Variants in NUDT3 observed in about 807,000 individuals in gnomAD.
NUDT3 encodes nudix hydrolase 3.
NUDT3 carries 9 observed loss-of-function variants against 23.6 expected under a neutral mutation model. The ratio of observed to expected loss-of-function variants is 0.38; its 90% CI spans 0.23 to 0.66. The LOEUF is 0.66. Ranked by LOEUF, NUDT3 falls within the 30% of genes least tolerant of loss-of-function variation. NUDT3 has a pLI of 0.52. For synonymous variants in NUDT3, 86 were observed against 82.6 expected (o/e 1.04, Z -0.22); for missense variants, 172 against 218.5 (o/e 0.79, Z 1.34).
chr6:34,338,100 T>C (rs576742573), intron 2 of NUDT3, among the ~76,000 whole-genome samples: 1 of 152,356 alleles, frequency 6.6e-6, no homozygotes, highest in South Asian at 2.1e-4. Context: ...TACACAATCA[T>C]ACCTGCCCTT....
chr6:34,375,381 A>G (rs895652879), intron 1 of NUDT3, among the ~76,000 whole-genome samples: 1 of 152,188 alleles, frequency 6.6e-6, no homozygotes, highest in East Asian at 1.9e-4. Flanking sequence ...AAAAGTTACC[A>G]GAGTTCTAAA....
chr6:34,295,830 G>T, intron 2 of NUDT3, 145 bp from the exon 3 acceptor site: 1 of 880,190 alleles, frequency 1.1e-6, no homozygotes, highest in Non-Finnish European at 1.7e-6. Context: ...AGTGATACCA[G>T]TGTTTCCTGT....
chr6:34,321,812 C>T (rs901414517), intron 2 of NUDT3, among the ~76,000 whole-genome samples: 1 of 152,170 alleles, frequency 6.6e-6, no homozygotes, highest in Non-Finnish European at 1.5e-5. Context: ...TATCCTAAAT[C>T]TAATCAAGCC....
chr6:34,292,034 T>G (rs1227419023), intron 4 of NUDT3, among the ~76,000 whole-genome samples: 3 of 152,144 alleles, frequency 2.0e-5, no homozygotes, highest in Non-Finnish European at 4.4e-5. Context: ...AAAGGCTTGT[T>G]TGAATATTAA....
In NUDT3 at chr6:34,286,766, A is replaced by G. The variant is rs1273055706; in HGVS notation, c.*1987T>C. 1 of 144,300 alleles carries G rather than the reference A, an allele frequency of 6.9e-6. No individual in the cohort carries two copies. The highest frequency in any genetic ancestry group is 2.0e-4 in the East Asian group (1 of 5,044). 8.9% of individuals were successfully genotyped at this position (144,300 alleles called of 1,614,324 possible). A position where few individuals can be genotyped will look rare whatever the true frequency, so the allele number is the denominator to read the frequency against. ...GGGGGAGAGGATGTAAACTAAGAGTATATAGCAAAAAAAAAAAAAAAAATT... is the reference window on the plus strand; with the variant it reads ...GGGGGAGAGGATGTAAACTAAGAGTGTATAGCAAAAAAAAAAAAAAAAATT... On this transcript the variant is annotated 3_prime_UTR_variant, in exon 5 of 5. Coordinates refer to ENST00000607016, the MANE Select transcript of NUDT3 (RefSeq NM_006703.4).
Position 34,288,650 on chromosome 6 carries a change from T to C in NUDT3, c.*103A>G. ...TCTTTGCTGCCCACCATGCCTTATT[T>C]GAAAGAGGAGGCCTGTGAGAAGTGG... is the stretch of plus-strand genomic sequence containing the variant. On this transcript the variant is annotated 3_prime_UTR_variant, in exon 5 of 5. Coordinates refer to ENST00000607016, the MANE Select transcript of NUDT3 (RefSeq NM_006703.4). 6.9e-7 allele frequency: 1 copy of C among 1,451,442 alleles called. No individual in the cohort carries two copies. Among genetic ancestry groups the C allele is most frequent in the African/African-American group, 1.4e-5 (1 of 69,518 alleles). 89.9% of individuals were successfully genotyped at this position (1,451,442 alleles called of 1,614,324 possible). A position where few individuals can be genotyped will look rare whatever the true frequency, so the allele number is the denominator to read the frequency against.
intron 4 of NUDT3, among the ~76,000 whole-genome samples, chr6:34,290,863 C>T (rs891819792): frequency 2.0e-5 from 3 of 150,794 alleles, no homozygotes; most frequent in African/African-American, 4.9e-5. Context: ...GATGTGATCC[C>T]GGCTCACTGC....
intron 2 of NUDT3, among the ~76,000 whole-genome samples, chr6:34,296,190 G>A (rs1763496638): frequency 6.6e-6 from 1 of 152,196 alleles, no homozygotes; most frequent in Non-Finnish European, 1.5e-5. Context: ...GATCACCTGA[G>A]CCCAGGAGTT....
intron 1 of NUDT3, among the ~76,000 whole-genome samples, chr6:34,357,838 A>C (rs1440982637): frequency 6.6e-6 from 1 of 152,142 alleles, no homozygotes; most frequent in Non-Finnish European, 1.5e-5. Context: ...CTTTTCTTCT[A>C]TAACTTGAAT....
chr6:34,392,240 G>A (rs1465351312), intron 1 of NUDT3, 24 bp downstream of exon 1: 5 of 1,554,086 alleles, frequency 3.2e-6, no homozygotes, highest in African/African-American at 2.8e-5. Context: ...CGGCGACCCC[G>A]GCCCGCCCAG....
At position 34,292,610 on chromosome 6, in the gene NUDT3, AATATAAAAATAT is replaced by A. The variant is rs145571081; in HGVS notation, c.340+829_340+840del. 9.4e-3 allele frequency among the ~76,000 whole-genome samples: 1,423 copies of A among 151,416 alleles called. 16 individuals carry two copies. The highest frequency in any genetic ancestry group is 0.029 in the African/African-American group (1,215 of 41,462). On this transcript the variant is annotated intron_variant, in intron 4 of 4. Transcript: ENST00000607016. ...TTTATATTCATATAAAATATGAAAAAATATAAAAATATATATTATAGATATATTCATATTTTA... is the reference window on the plus strand; with the variant it reads ...TTTATATTCATATAAAATATGAAAAAATATTATAGATATATTCATATTTTA...
chr6:34,386,355 C>T (rs1765106703), intron 1 of NUDT3, among the ~76,000 whole-genome samples: 1 of 152,116 alleles, frequency 6.6e-6, no homozygotes, highest in Non-Finnish European at 1.5e-5. Flanking sequence ...AGAAGAGAAG[C>T]CAGAAAAAGA....
chr6:34,363,989 GTC>G (rs1242731343), intron 1 of NUDT3, among the ~76,000 whole-genome samples: 2 of 151,996 alleles, frequency 1.3e-5, no homozygotes, highest in African/African-American at 4.8e-5. Flanking sequence ...GTCGCCCAAC[GTC>G]TGTTTCTCCT....
chr6:34,293,560 G>A lies in NUDT3; in HGVS notation c.256-25C>T, dbSNP rs769456650. 5 of 1,609,490 alleles carry A rather than the reference G, an allele frequency of 3.1e-6. No homozygotes were observed. In the South Asian group the frequency reaches 5.5e-5, roughly 18 times the overall value. ...TCTGAAGGGCAAAGAGAGAAGGATAGAGAGAGTTTTTCCTTAGAAAGCTGG... is the reference window on the plus strand; with the variant it reads ...TCTGAAGGGCAAAGAGAGAAGGATAAAGAGAGTTTTTCCTTAGAAAGCTGG... On this transcript the variant is annotated intron_variant, in intron 3 of 4. Coordinates refer to ENST00000607016, the MANE Select transcript of NUDT3 (RefSeq NM_006703.4).
In NUDT3 at chr6:34,392,425, T is replaced by A. The variant is rs551197966; in HGVS notation, c.-63A>T. ...GAGTCGAGGGGTGGGGAGCCCGCTCTGGACGGCCGCGTGCGCGCGCGCCCC... is the reference window on the plus strand; with the variant it reads ...GAGTCGAGGGGTGGGGAGCCCGCTCAGGACGGCCGCGTGCGCGCGCGCCCC... On this transcript the variant is annotated 5_prime_UTR_variant, in exon 1 of 5. Transcript: ENST00000607016. 123 of 1,319,354 alleles carry A rather than the reference T, an allele frequency of 9.3e-5. No individual in the cohort carries two copies. In the African/African-American group the frequency reaches 1.6e-3, roughly 17 times the overall value. The allele number at this position is 1,319,354 out of a possible 1,614,324, so 81.7% of individuals were successfully genotyped here.
At chr6:34,314,072 G>A (rs1266891069) in intron 2 of NUDT3, among the ~76,000 whole-genome samples, 1 of 151,612 alleles carries the variant, frequency 6.6e-6, no homozygotes, top group South Asian at 2.1e-4. Context: ...ACTCCAGCCT[G>A]GGCAATAAGG....
At position 34,323,937 on chromosome 6, in the gene NUDT3, G is replaced by A. The variant is rs140215965; in HGVS notation, c.210+17925C>T. Among the ~76,000 whole-genome samples, 35 of 152,242 alleles carry A rather than the reference G, an allele frequency of 2.3e-4. No homozygotes were observed. In the East Asian group the frequency reaches 6.6e-3, roughly 29 times the overall value. On this transcript the variant is annotated intron_variant, in intron 2 of 4. Transcript: ENST00000607016. ...TGTCTTTTCATTCTACTAGGAACAC[G>A]TATTATTTTTATGAACAGAAAAAAA...
intron 2 of NUDT3, among the ~76,000 whole-genome samples, chr6:34,327,528 CA>C (rs60757572): frequency 0.17 from 16,322 of 93,998 alleles, 862 homozygotes; most frequent in Middle Eastern, 0.23. Context: ...GACTCCGCCT[CA>C]AAAAAAAAAA....
intron 2 of NUDT3, among the ~76,000 whole-genome samples, chr6:34,301,501 A>T (rs1763596613): frequency 6.6e-6 from 1 of 152,216 alleles, no homozygotes; most frequent in Non-Finnish European, 1.5e-5. Flanking sequence ...TCCTCCTGGA[A>T]CTCTGCCATC....
Sources: allele counts gnomAD v4.1 joint callset (sites outside exome capture counted in the v4.1 genomes callset), GRCh38; gene constraint gnomAD v4.1.1; transcripts MANE v1.5; gene names NCBI Gene and HGNC (gene_info 2026-07-23, HGNC 2026-07-21).